CMPK1: variants seen among roughly 807,000 people sequenced by gnomAD.
CMPK1 encodes the protein cytidine/uridine monophosphate kinase 1, also known as UMP-CMP kinase.
Under a neutral mutation model 25.7 loss-of-function variants are expected in CMPK1, and 10 were observed. The ratio of observed to expected loss-of-function variants is 0.39; its 90% CI spans 0.24 to 0.66. The LOEUF (loss-of-function observed/expected upper bound fraction) is 0.66, where lower values mean the gene tolerates loss of function less well. CMPK1 is among the 30% of genes least tolerant of loss of function. CMPK1 has a pLI of 0.48. For synonymous variants in CMPK1, 106 were observed against 101.5 expected (o/e 1.04, Z -0.27); for missense variants, 199 against 280.5 (o/e 0.71, Z 2.08).
At chr1:47,342,329 G>T (rs1479932872) in intron 1 of CMPK1, among the ~76,000 whole-genome samples, 2 of 151,910 alleles carry the variant, frequency 1.3e-5, no homozygotes, top group African/African-American at 4.8e-5. Flanking sequence ...TGATCTGCCC[G>T]CCTCGGCCTC....
At chr1:47,346,029 C>A (rs1487279902) in intron 1 of CMPK1, among the ~76,000 whole-genome samples, 1 of 151,730 alleles carries the variant, frequency 6.6e-6, no homozygotes, top group African/African-American at 2.4e-5. Flanking sequence ...GAGGTGTGAG[C>A]CACAATGCCT....
rs1163908406 is a variant in CMPK1 at position 47,334,071 on chromosome 1, C to T, written c.126C>T (p.Gly42=). ...AGCCGCTGGTCGTGTTCGTCCTCGGCGGCCCCGGCGCCGGCAAGGGGACCC... is the reference window on the plus strand; with the variant it reads ...AGCCGCTGGTCGTGTTCGTCCTCGGTGGCCCCGGCGCCGGCAAGGGGACCC... ...LMKPLVVFVL[G]GPGAGKGTQC... The change falls in exon 1 of 6, where the codon GGC becomes GGT. Residue 42 remains glycine, a synonymous_variant. Coordinates refer to ENST00000371873, the MANE Select transcript of CMPK1 (RefSeq NM_016308.3). 2 of 1,540,878 alleles carry T rather than the reference C, an allele frequency of 1.3e-6. No individual in the cohort carries two copies. Among genetic ancestry groups the T allele is most frequent in the Non-Finnish European group, 1.7e-6 (2 of 1,142,860 alleles).
At chr1:47,358,127 T>TA (rs1646575970) in intron 1 of CMPK1, among the ~76,000 whole-genome samples, 1 of 148,554 alleles carries the variant, frequency 6.7e-6, no homozygotes, top group Admixed American at 6.8e-5. Flanking sequence ...TTTTTTTTTT[T>TA]AAGGGACAGA....
At chr1:47,368,122 GT>G (rs1646652060) in intron 1 of CMPK1, among the ~76,000 whole-genome samples, 1 of 151,804 alleles carries the variant, frequency 6.6e-6, no homozygotes, top group Non-Finnish European at 1.5e-5. Flanking sequence ...GCTAATTTTT[GT>G]GTTTTTAGAG....
At chr1:47,334,798 C>T (rs989719166) in intron 1 of CMPK1, among the ~76,000 whole-genome samples, 2 of 152,218 alleles carry the variant, frequency 1.3e-5, no homozygotes, top group Non-Finnish European at 2.9e-5. Context: ...GGCCCTGCTG[C>T]CAACTCACGC....
chr1:47,368,080 G>C (rs1388543901), intron 1 of CMPK1, among the ~76,000 whole-genome samples: 1 of 152,134 alleles, frequency 6.6e-6, no homozygotes, highest in Non-Finnish European at 1.5e-5. Flanking sequence ...CTCCTGAGTA[G>C]CTGGGATTAC....
intron 1 of CMPK1, among the ~76,000 whole-genome samples, chr1:47,345,568 A>G (rs12562561): frequency 0.38 from 57,152 of 148,744 alleles, 13,633 homozygotes; most frequent in Non-Finnish European, 0.51. Flanking sequence ...ATCTTGGCTC[A>G]CTGCAAGCTC....
chr1:47,374,669 G>A (rs1262149049), intron 3 of CMPK1, among the ~76,000 whole-genome samples: 1 of 151,870 alleles, frequency 6.6e-6, no homozygotes, highest in Non-Finnish European at 1.5e-5. Flanking sequence ...AAAAAAATAA[G>A]CAGGAAAAAC....
chr1:47,344,795 G>A (rs868790562), intron 1 of CMPK1, among the ~76,000 whole-genome samples: 9 of 152,106 alleles, frequency 5.9e-5, no homozygotes, highest in Admixed American at 2.0e-4. Context: ...ACCATGCCCG[G>A]CCTAACTGTA....
chr1:47,352,822 A>C (rs1412184570), intron 1 of CMPK1, among the ~76,000 whole-genome samples: 1 of 152,192 alleles, frequency 6.6e-6, no homozygotes, highest in East Asian at 1.9e-4. Flanking sequence ...ATTTATGGTC[A>C]TCATTAAATC....
In CMPK1 at chr1:47,366,479, T is replaced by C. The variant is rs187052947; in HGVS notation, c.172-1990T>C. On this transcript the variant is annotated intron_variant, in intron 1 of 5. Transcript: ENST00000371873. ...GTTACTAAAATACCATAATAACTTA[T>C]ATGTAAGTGATAGTTGCTTTTTTGT... 3.3e-3 allele frequency among the ~76,000 whole-genome samples: 510 copies of C among 152,266 alleles called. 5 individuals are homozygous for C. The highest frequency in any genetic ancestry group is 6.8e-3 in the Middle Eastern group (2 of 294).
chr1:47,337,140 G>A (rs1267770742), intron 1 of CMPK1, among the ~76,000 whole-genome samples: 2 of 152,068 alleles, frequency 1.3e-5, no homozygotes, highest in African/African-American at 2.4e-5. Context: ...AAAATTAGCC[G>A]GGCGTGGTGG....
At chr1:47,344,620 T>A (rs943701193) in intron 1 of CMPK1, among the ~76,000 whole-genome samples, 3 of 151,786 alleles carry the variant, frequency 2.0e-5, no homozygotes, top group African/African-American at 7.3e-5. Context: ...TGCCTCAGCC[T>A]CCCAAGTAGC....
chr1:47,369,909 C>CTCTTTT (rs1485648990), intron 2 of CMPK1, among the ~76,000 whole-genome samples: 3 of 93,698 alleles, frequency 3.2e-5, no homozygotes, highest in African/African-American at 1.2e-4. Context: ...CTTTCTCTCT[C>CTCTTTT]TTTTTTTTTT....
chr1:47,356,628 A>G (rs1646562550), intron 1 of CMPK1, among the ~76,000 whole-genome samples: 1 of 150,502 alleles, frequency 6.6e-6, no homozygotes, highest in African/African-American at 2.4e-5. Flanking sequence ...GAATAATTAC[A>G]GTATGAATTT....
At chr1:47,338,517 CTCCCTCCCTCCCTCTCTCCT>C (rs1396291075) in intron 1 of CMPK1, among the ~76,000 whole-genome samples, 9 of 57,310 alleles carry the variant, frequency 1.6e-4, no homozygotes, top group Admixed American at 4.0e-4. Flanking sequence ...CCTTCCTTCC[CTCCCTCCCTCCCTCTCTCCT>C]TCCCTCCCTC....
In CMPK1 at chr1:47,368,727, A is replaced by G. The variant is rs956340460; in HGVS notation, c.318+112A>G. The G allele has an allele frequency of 2.6e-5, 25 of 963,940 alleles. No homozygotes were observed. In the Admixed American group the frequency reaches 4.6e-4, roughly 18 times the overall value. 59.7% of individuals were successfully genotyped at this position (963,940 alleles called of 1,614,324 possible). On this transcript the variant is annotated intron_variant, in intron 2 of 5. Transcript: ENST00000371873. Reference sequence around the variant, plus strand: ...GTGATCCCAGCATTTTGGGAAGCCAAAGCAAGAGGATCACTTGAGGCCAGG... The same window carrying G: ...GTGATCCCAGCATTTTGGGAAGCCAGAGCAAGAGGATCACTTGAGGCCAGG...
chr1:47,350,141 C>T (rs2149328017), intron 1 of CMPK1, among the ~76,000 whole-genome samples: 2 of 152,152 alleles, frequency 1.3e-5, no homozygotes, highest in Middle Eastern at 3.4e-3. Context: ...GTCTCACTGT[C>T]TTGCCCGGGA....
At chr1:47,339,047 C>CTT (rs397965092) in intron 1 of CMPK1, among the ~76,000 whole-genome samples, 34,722 of 142,792 alleles carry the variant, frequency 0.24, 4,642 homozygotes, top group Non-Finnish European at 0.32. Context: ...ACCCAGAAAA[C>CTT]TTTTTTTTTT....
Sources: allele counts gnomAD v4.1 joint callset (sites outside exome capture counted in the v4.1 genomes callset), GRCh38; gene constraint gnomAD v4.1.1; transcripts MANE v1.5; gene names NCBI Gene and HGNC (gene_info 2026-07-23, HGNC 2026-07-21).